The following CNTNAP2 variants were observed in gnomAD, a reference collection of about 807,000 sequenced individuals.
The protein encoded by CNTNAP2 is contactin associated protein 2.
In CNTNAP2, 98 loss-of-function variants were observed where a neutral mutation model predicts 155.2. That is an observed-to-expected ratio of 0.63 (90% confidence interval 0.54 to 0.75). CNTNAP2 has a LOEUF of 0.75. Ranked by LOEUF, CNTNAP2 falls within the 30% of genes least tolerant of loss-of-function variation. The probability of loss-of-function intolerance (pLI) is 0.00; values close to 1 mark genes in which losing one functional copy is unlikely to be tolerated. For missense variants in CNTNAP2, 1,727 were observed against 1,688.1 expected, an observed-to-expected ratio of 1.02 and a Z score of -0.40; for synonymous variants, 651 against 631.2, an observed-to-expected ratio of 1.03 and a Z score of -0.47.
chr7:146,270,648 T>C (rs1344321730), intron 1 of CNTNAP2, among the ~76,000 whole-genome samples: 1 of 152,190 alleles, frequency 6.6e-6, no homozygotes, highest in Non-Finnish European at 1.5e-5. Flanking sequence ...TTTGAATAGA[T>C]TATCTGAAAT....
At chr7:147,895,239 G>C (rs1799758851) in intron 13 of CNTNAP2, among the ~76,000 whole-genome samples, 1 of 151,714 alleles carries the variant, frequency 6.6e-6, no homozygotes, top group Non-Finnish European at 1.5e-5. Flanking sequence ...CTCCTAAAGT[G>C]TTGGGACTAC....
At chr7:147,027,689 G>A (rs1798949336) in intron 3 of CNTNAP2, among the ~76,000 whole-genome samples, 1 of 152,142 alleles carries the variant, frequency 6.6e-6, no homozygotes, top group Non-Finnish European at 1.5e-5. Context: ...AGCAGGGAGA[G>A]CATTCTAAGA....
intron 1 of CNTNAP2, among the ~76,000 whole-genome samples, chr7:146,412,876 G>A (rs928347107): frequency 6.6e-6 from 1 of 152,120 alleles, no homozygotes; most frequent in Non-Finnish European, 1.5e-5. Context: ...CTAAAATCCT[G>A]GGATGACTGC....
intron 1 of CNTNAP2, among the ~76,000 whole-genome samples, chr7:146,657,088 G>A (rs1417616349): frequency 1.3e-5 from 2 of 152,102 alleles, no homozygotes; most frequent in Non-Finnish European, 2.9e-5. Flanking sequence ...CTCTCTCTGT[G>A]TGTGTGAATA....
At chr7:147,761,014 G>A (rs1400181703) in intron 13 of CNTNAP2, among the ~76,000 whole-genome samples, 1 of 152,166 alleles carries the variant, frequency 6.6e-6, no homozygotes, top group Non-Finnish European at 1.5e-5. Flanking sequence ...TTGCATTATG[G>A]ATTCCGGCTG....
chr7:146,972,981 C>T (rs1265804001), intron 3 of CNTNAP2, among the ~76,000 whole-genome samples: 1 of 152,144 alleles, frequency 6.6e-6, no homozygotes, highest in Non-Finnish European at 1.5e-5. Flanking sequence ...TAGAAATTCA[C>T]ATTAAAGTAA....
chr7:148,276,640 G>A (rs1796874729), intron 21 of CNTNAP2, among the ~76,000 whole-genome samples: 1 of 152,208 alleles, frequency 6.6e-6, no homozygotes, highest in East Asian at 1.9e-4. Flanking sequence ...GCCATATTAC[G>A]GATCTATTTA....
chr7:147,721,400 A>G (rs1796564329), intron 13 of CNTNAP2, among the ~76,000 whole-genome samples: 2 of 152,072 alleles, frequency 1.3e-5, no homozygotes, highest in Admixed American at 1.3e-4. Flanking sequence ...GTCTCAAGTA[A>G]ACAAAAAATT....
chr7:146,941,923 T>C (rs1337261806), intron 3 of CNTNAP2, among the ~76,000 whole-genome samples: 2 of 152,096 alleles, frequency 1.3e-5, no homozygotes, highest in East Asian at 3.9e-4. Context: ...TTCAGAATTC[T>C]CTCTTTGTCT....
In CNTNAP2 at chr7:146,336,562, G is replaced by T. The variant is rs759079010; in HGVS notation, c.97+219589G>T. 5.3e-4 allele frequency among the ~76,000 whole-genome samples: 80 copies of T among 151,832 alleles called. 1 individual carries two copies. The highest frequency in any genetic ancestry group is 1.1e-3 in the Non-Finnish European group (78 of 67,978). On this transcript the variant is annotated intron_variant, in intron 1 of 23. Coordinates refer to ENST00000361727, the MANE Select transcript of CNTNAP2 (RefSeq NM_014141.6). ...AGGAAAAAAAAAACAGAATTAATTG[G>T]ACTTTATCAAAACTAAAAATATTTC...
At chr7:146,841,060 C>T (rs909561688) in intron 3 of CNTNAP2, among the ~76,000 whole-genome samples, 2 of 152,138 alleles carry the variant, frequency 1.3e-5, no homozygotes, top group African/African-American at 4.8e-5. Flanking sequence ...TAGAAAAGTG[C>T]TTATCAAGCC....
intron 21 of CNTNAP2, among the ~76,000 whole-genome samples, chr7:148,283,917 G>A (rs1797034216): frequency 6.6e-6 from 1 of 152,266 alleles, no homozygotes; most frequent in Non-Finnish European, 1.5e-5. Flanking sequence ...TTGGTTGGTT[G>A]ATAAAATGTT....
intron 21 of CNTNAP2, among the ~76,000 whole-genome samples, chr7:148,270,802 T>C (rs1796763376): frequency 6.6e-6 from 1 of 152,206 alleles, no homozygotes; most frequent in South Asian, 2.1e-4. Flanking sequence ...CTTGTTAGAC[T>C]GGAATCCAGT....
intron 8 of CNTNAP2, among the ~76,000 whole-genome samples, chr7:147,138,012 A>T (rs1801522430): frequency 6.6e-6 from 1 of 151,956 alleles, no homozygotes; most frequent in Non-Finnish European, 1.5e-5. Flanking sequence ...TTGAATAAAT[A>T]AATAAATCAT....
At position 148,139,509 on chromosome 7, in the gene CNTNAP2, A is replaced by G. The variant is rs188673749; in HGVS notation, c.2555-7982A>G. Among the ~76,000 whole-genome samples, 20 of 152,194 alleles carry G rather than the reference A, an allele frequency of 1.3e-4. 1 individual carries two copies. The East Asian group carries it at 3.9e-3, about 29-fold the overall frequency. ...TTCACTGAAGCTTTTAGGTCTTAAC[A>G]TTATTGGATTCAATCACATACTTCT... On this transcript the variant is annotated intron_variant, in intron 16 of 23. Transcript: ENST00000361727.
At chr7:146,433,881 G>A (rs1796205968) in intron 1 of CNTNAP2, among the ~76,000 whole-genome samples, 1 of 152,168 alleles carries the variant, frequency 6.6e-6, no homozygotes, top group South Asian at 2.1e-4. Context: ...GGCATAAGCA[G>A]CAAACCTAAC....
intron 21 of CNTNAP2, among the ~76,000 whole-genome samples, chr7:148,345,635 G>T (rs1295948371): frequency 1.3e-5 from 2 of 151,962 alleles, no homozygotes; most frequent in Non-Finnish European, 2.9e-5. Flanking sequence ...CGCCCATCTC[G>T]GCCTCCCAAA....
chr7:146,847,971 A>G (rs1794791317), intron 3 of CNTNAP2, among the ~76,000 whole-genome samples: 1 of 152,212 alleles, frequency 6.6e-6, no homozygotes, highest in Admixed American at 6.5e-5. Flanking sequence ...TTTTGTCTAC[A>G]GTACTTCTCT....
intron 16 of CNTNAP2, among the ~76,000 whole-genome samples, chr7:148,123,703 A>G (rs1356350532): frequency 1.4e-4 from 21 of 151,248 alleles, no homozygotes; most frequent in African/African-American, 4.4e-4. Context: ...AGAGAAAGAG[A>G]GAAACAGAGA....
Sources: gnomAD v4.1 joint callset for allele counts (sites outside exome capture counted in the v4.1 genomes callset) on GRCh38, gnomAD v4.1.1 for gene constraint, MANE v1.5 for transcripts, NCBI Gene and HGNC (gene_info 2026-07-23, HGNC 2026-07-21) for gene names.